The following PTPRF variants were observed in gnomAD, a reference collection of about 807,000 sequenced individuals.
PTPRF encodes protein tyrosine phosphatase receptor type F, also known as receptor-type tyrosine-protein phosphatase F.
Under a neutral mutation model 201.8 loss-of-function variants are expected in PTPRF, and 59 were observed. The observed-to-expected ratio is 0.29, with a 90% CI of 0.24 to 0.36. PTPRF has a LOEUF of 0.36. Ranked by LOEUF, PTPRF falls within the 10% of genes least tolerant of loss-of-function variation. The pLI, the probability that PTPRF is intolerant of heterozygous loss-of-function variation, is 1.00. For missense variants in PTPRF, 2,132 were observed against 2,690.5 expected (o/e 0.79, Z 4.59); for synonymous variants, 1,088 against 1,089.7 (o/e 1.00, Z 0.03).
chr1:43,582,978 A>G, intron 7 of PTPRF: 1 of 780,528 alleles, frequency 1.3e-6, no homozygotes, highest in Non-Finnish European at 1.6e-6. Flanking sequence ...TGGGCAGATG[A>G]AGGTTGGCCT....
At chr1:43,548,808 G>A (rs932807429) in intron 3 of PTPRF, among the ~76,000 whole-genome samples, 5 of 152,158 alleles carry the variant, frequency 3.3e-5, no homozygotes, top group African/African-American at 4.8e-5. Context: ...TGCCTTCGCC[G>A]GCCCTCATGG....
At chr1:43,525,875 G>A (rs1024355756), upstream of PTPRF, among the ~76,000 whole-genome samples, 1 of 151,560 alleles carries the variant, frequency 6.6e-6, no homozygotes, top group Non-Finnish European at 1.5e-5. Context: ...GGTGGGTTGG[G>A]GAGCGAGCAG....
rs541343647 is a variant in PTPRF at position 43,549,395 on chromosome 1, G to C, written c.92-4097G>C. ...GGACACAGAGCAGGCTCCTACAGCA[G>C]CTTGGCTGGGTGGGACATGAGAGAG... On this transcript the variant is annotated intron_variant, in intron 3 of 33. Transcript: ENST00000359947. 2.1e-3 allele frequency among the ~76,000 whole-genome samples: 326 copies of C among 152,296 alleles called. 1 individual carries two copies. The highest frequency in any genetic ancestry group is 6.9e-3 in the African/African-American group (285 of 41,544).
chr1:43,613,397 A>T, intron 22 of PTPRF: 1 of 516,404 alleles, frequency 1.9e-6, no homozygotes. Flanking sequence ...GCACCCCGCC[A>T]CCAAAACAGG....
chr1:43,572,155 G>C (rs980670292), intron 6 of PTPRF, among the ~76,000 whole-genome samples: 2 of 152,190 alleles, frequency 1.3e-5, no homozygotes, highest in African/African-American at 4.8e-5. Context: ...GCCTCACCTT[G>C]CTTTACATTG....
In PTPRF at chr1:43,617,582, G is replaced by T. The variant is rs778180225; in HGVS notation, c.4195+14G>T. 2.2e-5 allele frequency: 35 copies of T among 1,613,630 alleles called. No homozygotes were observed. Among genetic ancestry groups the T allele is most frequent in the Non-Finnish European group, 2.9e-5 (34 of 1,179,884 alleles). On this transcript the variant is annotated intron_variant, in intron 24 of 33. Coordinates refer to ENST00000359947, the MANE Select transcript of PTPRF (RefSeq NM_002840.5). ...CCTCTATCGATGGTGAGCCAAGGGG[G>T]TGCCCCTCCCATCCCCTTGCTCTCC...
chr1:43,549,543 C>T (rs1644888349), intron 3 of PTPRF, among the ~76,000 whole-genome samples: 1 of 152,078 alleles, frequency 6.6e-6, no homozygotes, highest in Non-Finnish European at 1.5e-5. Flanking sequence ...ATAGTAGGTG[C>T]TCAAAAAATA....
rs748737963 is a variant in PTPRF at position 43,569,749 on chromosome 1, G to A, written c.539G>A (p.Ser180Asn). The A allele has an allele frequency of 6.2e-7, 1 of 1,612,658 alleles. No homozygotes were observed. Among genetic ancestry groups the A allele is most frequent in the African/African-American group, 1.3e-5 (1 of 74,876 alleles). The change falls in exon 6 of 34, where the codon AGC (serine) becomes AAC (asparagine). Residue 180 changes from serine (S) to asparagine (N), a missense_variant. This residue lies in a region of PTPRF where 297 missense variants were observed against 454.0 expected (regional missense o/e 0.65). Coordinates refer to ENST00000359947, the MANE Select transcript of PTPRF (RefSeq NM_002840.5). ...KDFLPVDPATSNGRIKQLRSG... is the reference protein window; with the variant it reads ...KDFLPVDPATNNGRIKQLRSG... Reference sequence around the variant, plus strand: ...TTCCTTCCTGTAGACCCTGCCACGAGCAACGGCCGCATCAAGCAGCTGCGT... The same window carrying A: ...TTCCTTCCTGTAGACCCTGCCACGAACAACGGCCGCATCAAGCAGCTGCGT...
chr1:43,623,616 A>G lies in PTPRF; in HGVS notation c.*1613A>G, dbSNP rs145294623. 6.5e-6 allele frequency: 1 copy of G among 152,770 alleles called. No individual in the cohort carries two copies. The highest frequency in any genetic ancestry group is 1.5e-5 in the Non-Finnish European group (1 of 68,038). The allele number at this position is 152,770 out of a possible 1,614,324, so 9.5% of individuals were successfully genotyped here. A position where few individuals can be genotyped will look rare whatever the true frequency, so the allele number is the denominator to read the frequency against. ...ATTTGTTAAGAAAAACTACAGCATCATTGCATAATTCTTGATGGTAATAAA... is the reference window on the plus strand; with the variant it reads ...ATTTGTTAAGAAAAACTACAGCATCGTTGCATAATTCTTGATGGTAATAAA... On this transcript the variant is annotated 3_prime_UTR_variant, in exon 34 of 34. Coordinates refer to ENST00000359947, the MANE Select transcript of PTPRF (RefSeq NM_002840.5).
intron 13 of PTPRF, among the ~76,000 whole-genome samples, chr1:43,600,401 A>T (rs889080714): frequency 2.6e-5 from 4 of 152,044 alleles, no homozygotes; most frequent in Non-Finnish European, 4.4e-5. Flanking sequence ...ACATCCCATC[A>T]TGGGGGCGGT....
chr1:43,587,533 C>T (rs940697745), intron 7 of PTPRF, among the ~76,000 whole-genome samples: 1 of 152,156 alleles, frequency 6.6e-6, no homozygotes, highest in African/African-American at 2.4e-5. Flanking sequence ...AGCTCTAGTT[C>T]TGTGATTTGG....
At chr1:43,615,318 C>T (rs1257278264) in intron 23 of PTPRF, among the ~76,000 whole-genome samples, 1 of 152,208 alleles carries the variant, frequency 6.6e-6, no homozygotes, top group Non-Finnish European at 1.5e-5. Flanking sequence ...CCATGGCCTC[C>T]ACCCACACTC....
intron 2 of PTPRF, among the ~76,000 whole-genome samples, chr1:43,541,914 G>A (rs1028964534): frequency 6.6e-6 from 1 of 152,308 alleles, no homozygotes; most frequent in Non-Finnish European, 1.5e-5. Context: ...CAGTGCTCCG[G>A]CCTTGTTTTT....
chr1:43,593,139 G>A (rs188393338), intron 11 of PTPRF, among the ~76,000 whole-genome samples: 6 of 152,340 alleles, frequency 3.9e-5, no homozygotes, highest in Non-Finnish European at 8.8e-5. Context: ...GCCTGCCCAC[G>A]TGTGCCTTGA....
At chr1:43,536,801 G>T (rs1644043358) in intron 1 of PTPRF, among the ~76,000 whole-genome samples, 1 of 152,196 alleles carries the variant, frequency 6.6e-6, no homozygotes, top group Non-Finnish European at 1.5e-5. Context: ...TCTGGTGCAG[G>T]TAGGTGGGGC....
rs530366468 is a variant in PTPRF, at chr1:43,586,925, G to A, written c.680-1806G>A. Reference sequence around the variant, plus strand: ...CACACCCCATGTATGAAGAATGCAGGTAGAAGTGGTTTCCTTAAAGACAAT... The same window carrying A: ...CACACCCCATGTATGAAGAATGCAGATAGAAGTGGTTTCCTTAAAGACAAT... On this transcript the variant is annotated intron_variant, in intron 7 of 33. Transcript: ENST00000359947. Among the ~76,000 whole-genome samples, 8 of 152,330 alleles carry A rather than the reference G, an allele frequency of 5.3e-5. No individual in the cohort carries two copies. The East Asian group carries it at 1.5e-3, about 29-fold the overall frequency.
Position 43,554,995 on chromosome 1 carries a change from G to A in PTPRF, c.379+1054G>A, listed in dbSNP as rs943585595. 6.6e-6 allele frequency among the ~76,000 whole-genome samples: 1 copy of A among 151,824 alleles called. No individual in the cohort carries two copies. The highest frequency in any genetic ancestry group is 1.5e-5 in the Non-Finnish European group (1 of 67,990). On this transcript the variant is annotated intron_variant, in intron 5 of 33. Coordinates refer to ENST00000359947, the MANE Select transcript of PTPRF (RefSeq NM_002840.5). This position sits in a 1 kb window ranked among gnomAD's most constrained non-coding sequence, Gnocchi z 4.1. ...GGCCTCCCAAGTAGCTGGGATTACA[G>A]GCATGCGCCACCATGCCTGGCTAAT...
At chr1:43,618,546 C>A in intron 25 of PTPRF, 84 bp from the exon 26 acceptor site, 1 of 1,506,972 alleles carries the variant, frequency 6.6e-7, no homozygotes, top group Admixed American at 1.8e-5. Flanking sequence ...AGGCTACAGC[C>A]AGGGAGTTGA....
Position 43,600,267 on chromosome 1 carries a change from C to A in PTPRF, c.2313+1354C>A, listed in dbSNP as rs752327326. On this transcript the variant is annotated intron_variant, in intron 13 of 33. Transcript: ENST00000359947. ...CCCTAGCCCCTCCTCTCTGAGGGGGCCAGTGGCCACAGCTGTGGCCAGTGG... is the reference window on the plus strand; with the variant it reads ...CCCTAGCCCCTCCTCTCTGAGGGGGACAGTGGCCACAGCTGTGGCCAGTGG... Among the ~76,000 whole-genome samples the A allele has an allele frequency of 4.0e-4, 61 of 152,242 alleles. 1 individual carries two copies. Among genetic ancestry groups the A allele is most frequent in the Non-Finnish European group, 7.6e-4 (52 of 67,992 alleles).
Sources: allele counts gnomAD v4.1 joint callset (sites outside exome capture counted in the v4.1 genomes callset), GRCh38; gene constraint gnomAD v4.1.1; regional missense constraint gnomAD v4.1.1; non-coding constraint Gnocchi (gnomAD v3.1); transcripts MANE v1.5; gene names NCBI Gene and HGNC (gene_info 2026-07-23, HGNC 2026-07-21).